Variants in PTPRD observed in about 807,000 individuals in gnomAD.
PTPRD encodes the protein receptor-type tyrosine-protein phosphatase delta.
A neutral mutation model predicts 214.5 loss-of-function variants in PTPRD; 34 were observed. The ratio of observed to expected loss-of-function variants is 0.16; its 90% confidence interval spans 0.12 to 0.21. The LOEUF (loss-of-function observed/expected upper bound fraction) is 0.21. PTPRD is among the 10% of genes least tolerant of loss of function. PTPRD has a pLI of 1.00. For missense variants in PTPRD, 2,545 were observed against 2,398.7 expected, an observed-to-expected ratio of 1.06 and a Z score of -1.27; for synonymous variants, 1,128 against 845.7, an observed-to-expected ratio of 1.33 and a Z score of -5.79.
At chr9:8,861,071 C>T (rs1180454358) in intron 11 of PTPRD, 1 of 152,214 alleles carries the variant, frequency 6.6e-6, no homozygotes, top group South Asian at 2.1e-4. Flanking sequence ...CACACAGGAG[C>T]TTTGCTATAG....
chr9:8,761,002 T>C (rs1054808864), intron 11 of PTPRD, among the ~76,000 whole-genome samples: 31 of 152,202 alleles, frequency 2.0e-4, no homozygotes, highest in Admixed American at 2.6e-4. Context: ...TAGTCCCTTT[T>C]TTCACTAAAA....
intron 9 of PTPRD, among the ~76,000 whole-genome samples, chr9:9,260,297 A>C (rs1461170606): frequency 1.3e-5 from 2 of 151,886 alleles, no homozygotes; most frequent in African/African-American, 4.8e-5. Flanking sequence ...AGAGTGAGGC[A>C]CATGATCTTG....
intron 11 of PTPRD, among the ~76,000 whole-genome samples, chr9:8,777,970 G>A (rs556599354): frequency 3.9e-5 from 6 of 152,246 alleles, no homozygotes; most frequent in African/African-American, 1.4e-4. Context: ...TCCACAGAGC[G>A]TCTTCCATAT....
Position 10,567,427 on chromosome 9 carries a change from A to C in PTPRD, c.-600+44971T>G, listed in dbSNP as rs1591093977. ...AAAACTTCTATTTCCTTAAGTGATA[A>C]GTTTTCAATTGTAATTTTATAGTAT... On this transcript the variant is annotated intron_variant, in intron 2 of 45. Coordinates refer to ENST00000381196, the MANE Select transcript of PTPRD (RefSeq NM_002839.4). 1.3e-5 allele frequency among the ~76,000 whole-genome samples: 2 copies of C among 152,204 alleles called. 1 individual carries two copies. The highest frequency in any genetic ancestry group is 1.3e-4 in the Admixed American group (2 of 15,266).
At chr9:9,176,468 T>G (rs2099924939) in intron 10 of PTPRD, among the ~76,000 whole-genome samples, 1 of 152,172 alleles carries the variant, frequency 6.6e-6, no homozygotes, top group South Asian at 2.1e-4. Flanking sequence ...ATTTCCAACT[T>G]GATTACTAAA....
intron 12 of PTPRD, among the ~76,000 whole-genome samples, chr9:8,647,365 T>A (rs1456385637): frequency 3.9e-5 from 6 of 152,230 alleles, no homozygotes; most frequent in Admixed American, 3.9e-4. Context: ...GAATAACTTT[T>A]AAGAATTTTC....
At chr9:8,431,848 G>C (rs1310475366) in intron 35 of PTPRD, among the ~76,000 whole-genome samples, 1 of 152,200 alleles carries the variant, frequency 6.6e-6, no homozygotes, top group Non-Finnish European at 1.5e-5. Context: ...CTCATAAAAT[G>C]AGTTAGGGAG....
At chr9:9,759,317 C>G (rs2098628342) in intron 6 of PTPRD, among the ~76,000 whole-genome samples, 2 of 152,068 alleles carry the variant, frequency 1.3e-5, no homozygotes, top group African/African-American at 4.8e-5. Flanking sequence ...CTGACTGCCG[C>G]AAACCCCAGC....
chr9:9,383,229 A>T (rs1280966751), intron 9 of PTPRD, among the ~76,000 whole-genome samples: 1 of 151,966 alleles, frequency 6.6e-6, no homozygotes, highest in Non-Finnish European at 1.5e-5. Context: ...TAGACTATAT[A>T]CTCCCTAAAG....
chr9:8,568,304 T>C (rs2090037762), intron 14 of PTPRD, among the ~76,000 whole-genome samples: 1 of 152,106 alleles, frequency 6.6e-6, no homozygotes, highest in Non-Finnish European at 1.5e-5. Flanking sequence ...ATTTCATGAA[T>C]ACTGTGGCAG....
At chr9:8,768,427 C>A (rs2094931631) in intron 11 of PTPRD, among the ~76,000 whole-genome samples, 1 of 152,036 alleles carries the variant, frequency 6.6e-6, no homozygotes, top group Non-Finnish European at 1.5e-5. Context: ...TGGCACACAC[C>A]TGTAGTCCCA....
chr9:8,917,132 CTTCT>C (rs559048705), intron 11 of PTPRD, among the ~76,000 whole-genome samples: 2 of 131,324 alleles, frequency 1.5e-5, no homozygotes, highest in South Asian at 2.5e-4. Context: ...TCTTCTTCTT[CTTCT>C]TTTTTTTTTT....
intron 14 of PTPRD, among the ~76,000 whole-genome samples, chr9:8,604,246 G>C (rs1413131235): frequency 6.6e-6 from 1 of 152,178 alleles, no homozygotes; most frequent in Non-Finnish European, 1.5e-5. Context: ...GTCGAGGAAA[G>C]AGCAAAGTGC....
intron 14 of PTPRD, among the ~76,000 whole-genome samples, chr9:8,627,177 T>A (rs2096070102): frequency 6.6e-6 from 1 of 151,802 alleles, no homozygotes; most frequent in African/African-American, 2.4e-5. Context: ...TTATTTCCCA[T>A]CATGCTCATC....
intron 5 of PTPRD, among the ~76,000 whole-genome samples, chr9:9,888,386 T>C (rs1394180426): frequency 1.3e-5 from 2 of 152,134 alleles, no homozygotes; most frequent in African/African-American, 4.8e-5. Context: ...GCGATGAGTA[T>C]ACAGTTTGGA....
In PTPRD at chr9:9,817,911, T is replaced by C. The variant is rs1350817879; in HGVS notation, c.-367-51060A>G. On this transcript the variant is annotated intron_variant, in intron 5 of 45. Coordinates refer to ENST00000381196, the MANE Select transcript of PTPRD (RefSeq NM_002839.4). ...TAGTTAGCAAGATCAATGTACAGGATACTCCACCATTTTAAGGACTCCTAT... is the reference window on the plus strand; with the variant it reads ...TAGTTAGCAAGATCAATGTACAGGACACTCCACCATTTTAAGGACTCCTAT... Among the ~76,000 whole-genome samples, 3 of 152,192 alleles carry C rather than the reference T, an allele frequency of 2.0e-5. No individual in the cohort carries two copies. In the East Asian group the frequency reaches 5.8e-4, roughly 29 times the overall value.
chr9:8,673,507 A>G (rs551910198), intron 12 of PTPRD, among the ~76,000 whole-genome samples: 2 of 152,290 alleles, frequency 1.3e-5, no homozygotes, highest in South Asian at 4.1e-4. Flanking sequence ...CACAACTGCC[A>G]CTTATTTACA....
At chr9:10,450,573 AG>A (rs2098834792) in intron 2 of PTPRD, among the ~76,000 whole-genome samples, 1 of 152,020 alleles carries the variant, frequency 6.6e-6, no homozygotes, top group Non-Finnish European at 1.5e-5. Context: ...AAACTGAGAG[AG>A]GAGTCCAGTT....
At chr9:8,487,282 C>A (rs559583958) in intron 27 of PTPRD, among the ~76,000 whole-genome samples, 2 of 152,040 alleles carry the variant, frequency 1.3e-5, no homozygotes, top group Non-Finnish European at 2.9e-5. Flanking sequence ...AATTTATTTA[C>A]CTTTAAGTTA....
Sources: allele counts gnomAD v4.1 joint callset (sites outside exome capture counted in the v4.1 genomes callset), GRCh38; gene constraint gnomAD v4.1.1; transcripts MANE v1.5; gene names NCBI Gene and HGNC (gene_info 2026-07-23, HGNC 2026-07-21).